Variants in MBD2 observed in about 807,000 individuals in gnomAD.
MBD2 encodes methyl-CpG-binding domain protein 2.
A neutral mutation model predicts 39.3 loss-of-function variants in MBD2; 9 were observed. That is an observed-to-expected ratio of 0.23 (90% confidence interval 0.14 to 0.40). The LOEUF (loss-of-function observed/expected upper bound fraction) is 0.40, where lower values mean the gene tolerates loss of function less well. Among genes scored for constraint, MBD2 ranks in the 10% least tolerant of loss-of-function variants. MBD2 has a pLI of 1.00. For missense variants in MBD2, 458 were observed against 532.6 expected (o/e 0.86, Z 1.38); for synonymous variants, 233 against 211.1 (o/e 1.10, Z -0.90).
intron 2 of MBD2, among the ~76,000 whole-genome samples, chr18:54,189,975 T>G (rs1286148777): frequency 1.3e-5 from 2 of 152,098 alleles, no homozygotes; most frequent in African/African-American, 2.4e-5. Flanking sequence ...CCAATCAGGA[T>G]AGCAATCATT....
rs748114311 is a variant in MBD2, at chr18:54,224,211, C to CGCT, written c.346_348dup (p.Ser116dup). The stretch of plus-strand genomic sequence containing the variant: ...TCCCGCCGGGGGGCGCCGCCGCCAC[C>CGCT]GCTGCCGCCGCCGCCGCAGCCGCCG... On this transcript the variant is annotated inframe_insertion, in exon 1 of 7. Transcript: ENST00000256429. 4,005 of 1,138,912 alleles carry CGCT rather than the reference C, an allele frequency of 3.5e-3. 114 individuals are homozygous for CGCT. The African/African-American group carries it at 0.061, about 17-fold the overall frequency. 70.6% of individuals were successfully genotyped at this position (1,138,912 alleles called of 1,614,324 possible).
chr18:54,182,681 G>A (rs2086259109), intron 3 of MBD2, among the ~76,000 whole-genome samples: 1 of 152,096 alleles, frequency 6.6e-6, no homozygotes, highest in Non-Finnish European at 1.5e-5. Flanking sequence ...CCTGCAATAT[G>A]AAGAGTGAAG....
chr18:54,207,074 A>C (rs1253440271), intron 1 of MBD2, among the ~76,000 whole-genome samples: 1 of 152,202 alleles, frequency 6.6e-6, no homozygotes, highest in Non-Finnish European at 1.5e-5. Context: ...ACCAAGTTCT[A>C]AATGTTCAAG....
chr18:54,202,712 CATTT>C, intron 2 of MBD2: 3 of 1,217,174 alleles, frequency 2.5e-6, no homozygotes, highest in Admixed American at 7.3e-5. Context: ...ATTTAATAAA[CATTT>C]ATTACCACTA....
At chr18:54,178,834 G>A (rs1186252357) in intron 3 of MBD2, among the ~76,000 whole-genome samples, 2 of 152,016 alleles carry the variant, frequency 1.3e-5, no homozygotes, top group Non-Finnish European at 2.9e-5. Flanking sequence ...AATAGATACT[G>A]TAAACATTAA....
chr18:54,205,186 A>C (rs1249948373), intron 1 of MBD2, 29 bp from the exon 2 acceptor site: 6 of 1,603,256 alleles, frequency 3.7e-6, no homozygotes, highest in Non-Finnish European at 5.1e-6. Context: ...AATTGAACAA[A>C]AGGCAACAAT....
intron 1 of MBD2, among the ~76,000 whole-genome samples, chr18:54,206,412 G>A (rs1180329254): frequency 6.6e-6 from 1 of 152,188 alleles, no homozygotes; most frequent in Non-Finnish European, 1.5e-5. Flanking sequence ...AGAAAATTGT[G>A]AGAATTGTAG....
chr18:54,212,393 T>C (rs1167222552), intron 1 of MBD2, among the ~76,000 whole-genome samples: 1 of 152,224 alleles, frequency 6.6e-6, no homozygotes, highest in Non-Finnish European at 1.5e-5. Flanking sequence ...GGCCTCATTC[T>C]AGCTTTGAAA....
At chr18:54,197,067 TAGA>T (rs1373076080) in intron 2 of MBD2, among the ~76,000 whole-genome samples, 4 of 152,350 alleles carry the variant, frequency 2.6e-5, no homozygotes, top group South Asian at 4.1e-4. Flanking sequence ...ACGAGAAAAT[TAGA>T]AGCTCTTTGA....
intron 4 of MBD2, among the ~76,000 whole-genome samples, chr18:54,165,549 T>C (rs1343871174): frequency 1.3e-5 from 2 of 152,176 alleles, no homozygotes; most frequent in African/African-American, 2.4e-5. Flanking sequence ...CAGCATGAAA[T>C]GTAGACTAGT....
intron 1 of MBD2, among the ~76,000 whole-genome samples, chr18:54,212,859 GTC>G (rs1473388040): frequency 1.7e-5 from 1 of 59,224 alleles, no homozygotes; most frequent in East Asian, 9.7e-4. Flanking sequence ...GCGAAACTCA[GTC>G]TCTACAAAAA....
At chr18:54,156,214 G>C (rs1336941091) in intron 6 of MBD2, among the ~76,000 whole-genome samples, 2 of 152,156 alleles carry the variant, frequency 1.3e-5, no homozygotes, top group Non-Finnish European at 2.9e-5. Flanking sequence ...GGGGTTATTT[G>C]AGTAAGGTAA....
intron 6 of MBD2, among the ~76,000 whole-genome samples, chr18:54,157,263 A>ATT (rs113156706): frequency 6.9e-6 from 1 of 143,948 alleles, no homozygotes. Flanking sequence ...GATTGAAATG[A>ATT]TTTTTTTTTT....
intron 1 of MBD2, among the ~76,000 whole-genome samples, chr18:54,211,100 T>G (rs994967557): frequency 2.0e-5 from 3 of 151,620 alleles, no homozygotes; most frequent in Non-Finnish European, 4.4e-5. Flanking sequence ...CTCGATCTCC[T>G]GACCTCGTGA....
chr18:54,207,812 C>A (rs979858570), intron 1 of MBD2, among the ~76,000 whole-genome samples: 1 of 152,082 alleles, frequency 6.6e-6, no homozygotes, highest in East Asian at 1.9e-4. Context: ...CCGAGGCGGG[C>A]AGATCACGAG....
chr18:54,203,090 T>C, intron 2 of MBD2: 13 of 1,598,142 alleles, frequency 8.1e-6, no homozygotes, highest in Non-Finnish European at 1.1e-5. Context: ...GGACGATGAG[T>C]GTTCCAGCGC....
intron 1 of MBD2, among the ~76,000 whole-genome samples, chr18:54,211,904 G>A (rs1033153262): frequency 6.6e-6 from 1 of 150,382 alleles, no homozygotes; most frequent in Non-Finnish European, 1.5e-5. Flanking sequence ...AGCCCAGGCT[G>A]GAGTGCAATG....
intron 3 of MBD2, among the ~76,000 whole-genome samples, chr18:54,181,665 A>ATT (rs570279240): frequency 6.6e-6 from 1 of 151,490 alleles, no homozygotes; most frequent in African/African-American, 2.4e-5. Context: ...CACCCAGCTA[A>ATT]TTTTTTTTGT....
chr18:54,162,033 A>G (rs1397031520), intron 5 of MBD2, among the ~76,000 whole-genome samples: 2 of 152,182 alleles, frequency 1.3e-5, no homozygotes, highest in African/African-American at 2.4e-5. Context: ...CATAGCCAAG[A>G]AGAGAACAGG....
Sources: gnomAD v4.1 joint callset for allele counts (sites outside exome capture counted in the v4.1 genomes callset) on GRCh38, gnomAD v4.1.1 for gene constraint, MANE v1.5 for transcripts, NCBI Gene and HGNC (gene_info 2026-07-23, HGNC 2026-07-21) for gene names.